The following ENOX2 variants were observed in gnomAD, a reference collection of about 807,000 sequenced individuals.
The protein encoded by ENOX2 is APK1 antigen.
ENOX2 carries 36 observed loss-of-function variants against 45.0 expected under a neutral mutation model. That is an observed-to-expected ratio of 0.80 (90% confidence interval 0.61 to 1.06). The LOEUF (loss-of-function observed/expected upper bound fraction) is 1.06. Among genes scored for constraint, ENOX2 ranks in the 50% least tolerant of loss-of-function variants. The pLI, the probability that ENOX2 is intolerant of heterozygous loss-of-function variation, is 0.00. For missense variants in ENOX2, 423 were observed against 462.5 expected (o/e 0.91, Z 0.78); for synonymous variants, 174 against 152.3 (o/e 1.14, Z -1.05).
intron 2 of ENOX2, among the ~76,000 whole-genome samples, chrX:130,821,062 T>G (rs2077587348): frequency 8.9e-6 from 1 of 112,312 alleles, no homozygotes; most frequent in Admixed American, 9.4e-5. Context: ...TGTCATTAAA[T>G]ATATACAACT....
intron 5 of ENOX2, among the ~76,000 whole-genome samples, chrX:130,685,121 GA>G (rs1273328069): frequency 8.9e-6 from 1 of 112,010 alleles, no homozygotes; most frequent in Non-Finnish European, 1.9e-5. Context: ...CAGATATTTA[GA>G]GGGGAAGTGT....
intron 5 of ENOX2, among the ~76,000 whole-genome samples, chrX:130,682,673 G>A (rs1181208879): frequency 9.6e-6 from 1 of 103,695 alleles, no homozygotes; most frequent in Non-Finnish European, 1.9e-5. Context: ...TGTGGTGACT[G>A]TTTTCTAAGT....
chrX:130,881,965 G>A (rs1399773149), intron 2 of ENOX2, among the ~76,000 whole-genome samples: 1 of 111,798 alleles, frequency 8.9e-6, no homozygotes, highest in African/African-American at 3.3e-5. Flanking sequence ...AGTGCTAACT[G>A]TGTGCAAGAC....
At chrX:130,658,341 G>A (rs757758285) in intron 9 of ENOX2, among the ~76,000 whole-genome samples, 72 of 111,587 alleles carry the variant, frequency 6.5e-4, no homozygotes, top group South Asian at 3.4e-3. Context: ...TATCCAATCT[G>A]AAGAACACAG....
intron 2 of ENOX2, among the ~76,000 whole-genome samples, chrX:130,817,021 T>C (rs1002306660): frequency 9.0e-6 from 1 of 111,127 alleles, no homozygotes; most frequent in Non-Finnish European, 1.9e-5. Flanking sequence ...TAGACTACTA[T>C]CCAGGCTAAT....
chrX:130,893,033 G>A (rs1397498170), intron 2 of ENOX2, among the ~76,000 whole-genome samples: 3 of 111,579 alleles, frequency 2.7e-5, no homozygotes, highest in Non-Finnish European at 5.6e-5. Flanking sequence ...AAAGGAGAGG[G>A]GGAAAGGGGT....
At chrX:130,661,049 T>C (rs976970105) in intron 9 of ENOX2, among the ~76,000 whole-genome samples, 2 of 112,467 alleles carry the variant, frequency 1.8e-5, no homozygotes, top group East Asian at 5.5e-4. Context: ...CATAAATTGT[T>C]ACACATTAAT....
chrX:130,818,271 C>A (rs889017236), intron 2 of ENOX2, among the ~76,000 whole-genome samples: 2 of 111,788 alleles, frequency 1.8e-5, no homozygotes, highest in Admixed American at 1.9e-4. Context: ...AATGGAAAAA[C>A]ATCCCGTGCT....
chrX:130,683,451 C>G (rs955553541), intron 5 of ENOX2, among the ~76,000 whole-genome samples: 8 of 112,108 alleles, frequency 7.1e-5, no homozygotes, highest in Non-Finnish European at 1.5e-4. Context: ...CTCTTTATAG[C>G]ATTCAGCCCT....
chrX:130,886,376 T>C (rs1017801855), intron 2 of ENOX2, among the ~76,000 whole-genome samples: 12 of 112,626 alleles, frequency 1.1e-4, no homozygotes, highest in African/African-American at 3.9e-4. Flanking sequence ...CAAAACAACG[T>C]GGTTGTAGGA....
In ENOX2 at chrX:130,688,852, C is replaced by A; in HGVS notation, c.253+11G>T. The A allele has an allele frequency of 8.5e-7, 1 of 1,172,241 alleles. No individual in the cohort carries two copies. Among genetic ancestry groups the A allele is most frequent in the Non-Finnish European group, 1.2e-6 (1 of 868,861 alleles). On this transcript the variant is annotated intron_variant, in intron 5 of 14. Coordinates refer to ENST00000394363, the MANE Select transcript of ENOX2 (RefSeq NM_006375.4). ...ATTGTGTCTTGTGTGGAGAAAAAAG[C>A]AGAATATTACTTGGATTTGGAGGGA...
chrX:130,697,595 A>C (rs756518108), intron 4 of ENOX2, among the ~76,000 whole-genome samples: 1 of 111,898 alleles, frequency 8.9e-6, no homozygotes, highest in South Asian at 3.8e-4. Flanking sequence ...GAAAGTTCTA[A>C]AAGTATTGGA....
At chrX:130,871,788 C>T (rs1486718871) in intron 2 of ENOX2, among the ~76,000 whole-genome samples, 1 of 110,665 alleles carries the variant, frequency 9.0e-6, no homozygotes, top group Admixed American at 9.6e-5. Flanking sequence ...CTTTTCTAAG[C>T]CACCGAGGAA....
At chrX:130,725,649 C>T (rs992850606) in intron 3 of ENOX2, among the ~76,000 whole-genome samples, 3 of 110,216 alleles carry the variant, frequency 2.7e-5, no homozygotes, top group African/African-American at 9.9e-5. Context: ...GGGAGACTGA[C>T]TGAGTTCCAA....
intron 12 of ENOX2, among the ~76,000 whole-genome samples, chrX:130,634,266 T>A (rs745678982): frequency 8.9e-6 from 1 of 112,377 alleles, no homozygotes; most frequent in African/African-American, 3.2e-5. Context: ...GCTTCCCTTT[T>A]CAGAGGATAA....
intron 2 of ENOX2, among the ~76,000 whole-genome samples, chrX:130,787,918 T>A (rs1449640468): frequency 9.0e-6 from 1 of 111,599 alleles, no homozygotes; most frequent in Non-Finnish European, 1.9e-5. Context: ...TTTTATATCA[T>A]CCAATACCCA....
chrX:130,854,365 A>G (rs2078269825), intron 2 of ENOX2, among the ~76,000 whole-genome samples: 1 of 112,133 alleles, frequency 8.9e-6, no homozygotes, highest in South Asian at 3.7e-4. Context: ...ATGAACAATA[A>G]AGAGAAAATA....
chrX:130,888,226 A>G (rs1458018181), intron 2 of ENOX2, among the ~76,000 whole-genome samples: 1 of 112,512 alleles, frequency 8.9e-6, no homozygotes, highest in African/African-American at 3.2e-5. Context: ...CCACTTCATT[A>G]GGTGACTTGA....
chrX:130,896,136 A>G (rs1462963131), intron 2 of ENOX2, among the ~76,000 whole-genome samples: 1 of 112,232 alleles, frequency 8.9e-6, no homozygotes, highest in East Asian at 2.8e-4. Context: ...TTTAAGAGAC[A>G]TAAAATTTGT....
Sources: allele counts gnomAD v4.1 joint callset (sites outside exome capture counted in the v4.1 genomes callset), GRCh38; gene constraint gnomAD v4.1.1; transcripts MANE v1.5; gene names NCBI Gene and HGNC (gene_info 2026-07-23, HGNC 2026-07-21).